ESRRG: variants seen among roughly 807,000 people sequenced by gnomAD.
The protein encoded by ESRRG is estrogen-related receptor gamma.
In ESRRG, 13 loss-of-function variants were observed where a neutral mutation model predicts 44.0. The ratio of observed to expected loss-of-function variants is 0.30; its 90% CI spans 0.19 to 0.47. The LOEUF is 0.47. ESRRG is among the 20% of genes least tolerant of loss of function. The pLI, the probability that ESRRG is intolerant of heterozygous loss-of-function variation, is 1.00. For synonymous variants in ESRRG, 215 were observed against 214.6 expected (o/e 1.00, Z -0.02); for missense variants, 395 against 580.6 (o/e 0.68, Z 3.29).
Position 216,911,267 on chromosome 1 carries a change from C to T in ESRRG, c.-14+28315G>A, listed in dbSNP as rs149923893. On this transcript the variant is annotated intron_variant, in intron 2 of 7. Transcript: ENST00000359162. ...AAAGGATAAATAAACTATGGTACAT[C>T]GAGACGCTGGACTGTTATTCAGTGC... Among the ~76,000 whole-genome samples the T allele has an allele frequency of 1.7e-4, 26 of 152,130 alleles. No individual in the cohort carries two copies. The East Asian group carries it at 3.9e-3, about 23-fold the overall frequency.
At chr1:217,056,663 C>A (rs1425481568) in intron 1 of ESRRG, among the ~76,000 whole-genome samples, 1 of 151,166 alleles carries the variant, frequency 6.6e-6, no homozygotes, top group African/African-American at 2.4e-5. Flanking sequence ...TGGAAAGATT[C>A]TGGCCATGAC....
chr1:217,006,206 A>C (rs1560446699), intron 1 of ESRRG, among the ~76,000 whole-genome samples: 1 of 152,174 alleles, frequency 6.6e-6, no homozygotes, highest in African/African-American at 2.4e-5. Flanking sequence ...GCTAAGAATG[A>C]ATTTATAAAT....
At chr1:216,956,724 T>C (rs1463455195) in intron 1 of ESRRG, among the ~76,000 whole-genome samples, 1 of 152,222 alleles carries the variant, frequency 6.6e-6, no homozygotes, top group Non-Finnish European at 1.5e-5. Context: ...ATCACATGCC[T>C]GGCAGTGCAG....
intron 2 of ESRRG, among the ~76,000 whole-genome samples, chr1:216,938,871 C>T (rs1560186335): frequency 6.6e-6 from 1 of 152,182 alleles, no homozygotes; most frequent in Non-Finnish European, 1.5e-5. Flanking sequence ...TCTTTACATG[C>T]TATGATCCTC....
At chr1:216,967,174 C>CG (rs1006154753) in intron 1 of ESRRG, among the ~76,000 whole-genome samples, 16 of 152,002 alleles carry the variant, frequency 1.1e-4, no homozygotes, top group Non-Finnish European at 1.3e-4. Flanking sequence ...GCATCGCCCC[C>CG]CCTCCCCATT....
At chr1:216,820,812 A>C (rs1344624679) in intron 2 of ESRRG, among the ~76,000 whole-genome samples, 2 of 152,218 alleles carry the variant, frequency 1.3e-5, no homozygotes, top group African/African-American at 2.4e-5. Flanking sequence ...GAAAGTAGTA[A>C]AAGTTTGCTA....
intron 6 of ESRRG, 39 bp from the exon 7 acceptor site, chr1:216,507,222 TA>T: frequency 6.9e-7 from 1 of 1,443,094 alleles, no homozygotes; most frequent in Non-Finnish European, 9.4e-7. Flanking sequence ...ATTATAATAA[TA>T]ATAGCAAACC....
intron 2 of ESRRG, among the ~76,000 whole-genome samples, chr1:216,906,231 A>T (rs1205986884): frequency 6.6e-6 from 1 of 152,196 alleles, no homozygotes; most frequent in African/African-American, 2.4e-5. Flanking sequence ...TCATTTATCT[A>T]AAATGAAAGA....
At chr1:216,661,993 C>G (rs892531961) in intron 2 of ESRRG, among the ~76,000 whole-genome samples, 2 of 152,082 alleles carry the variant, frequency 1.3e-5, no homozygotes, top group Admixed American at 6.6e-5. Context: ...GAGTTACCTT[C>G]TTTATGAATG....
intron 1 of ESRRG, among the ~76,000 whole-genome samples, chr1:216,709,706 T>A (rs2083212604): frequency 6.7e-6 from 1 of 149,144 alleles, no homozygotes; most frequent in African/African-American, 2.5e-5. Context: ...AAAAAAAAAA[T>A]TGGAGGGAGT....
chr1:216,776,238 A>T (rs1466502536), intron 2 of ESRRG, among the ~76,000 whole-genome samples: 1 of 152,074 alleles, frequency 6.6e-6, no homozygotes, highest in African/African-American at 2.4e-5. Flanking sequence ...CATAATAATG[A>T]TAATCTGTGG....
intron 1 of ESRRG, among the ~76,000 whole-genome samples, chr1:217,025,881 G>A (rs2081104970): frequency 6.6e-6 from 1 of 152,098 alleles, no homozygotes; most frequent in Non-Finnish European, 1.5e-5. Flanking sequence ...CATAGTCCTG[G>A]TAAGTCATTT....
At chr1:216,796,038 C>T (rs2094462686) in intron 2 of ESRRG, among the ~76,000 whole-genome samples, 1 of 152,146 alleles carries the variant, frequency 6.6e-6, no homozygotes, top group Admixed American at 6.6e-5. Context: ...AGGCCTGGGG[C>T]TGAAAACAAG....
intron 5 of ESRRG, 57 bp from the exon 6 acceptor site, chr1:216,519,478 C>T: frequency 2.7e-6 from 4 of 1,496,916 alleles, no homozygotes; most frequent in Non-Finnish European, 2.7e-6. Flanking sequence ...CATAATGCAA[C>T]ATTAGTTTCA....
chr1:216,741,629 T>C (rs947551470), intron 2 of ESRRG, among the ~76,000 whole-genome samples: 2 of 152,188 alleles, frequency 1.3e-5, no homozygotes, highest in Non-Finnish European at 2.9e-5. Flanking sequence ...CCCTGTCTCA[T>C]CTCAGAATGC....
At chr1:217,134,941 C>G (rs2093028489) in intron 1 of ESRRG, among the ~76,000 whole-genome samples, 1 of 152,242 alleles carries the variant, frequency 6.6e-6, no homozygotes, top group African/African-American at 2.4e-5. Context: ...TGCCGCAGCG[C>G]CCAGTTTACC....
intron 2 of ESRRG, among the ~76,000 whole-genome samples, chr1:216,820,666 C>T (rs1215478409): frequency 6.6e-6 from 1 of 152,206 alleles, no homozygotes; most frequent in East Asian, 1.9e-4. Context: ...CTGAGTATAT[C>T]CAGCCTTTGG....
intron 3 of ESRRG, among the ~76,000 whole-genome samples, chr1:216,648,383 G>A (rs751627821): frequency 1.3e-5 from 2 of 152,074 alleles, no homozygotes; most frequent in African/African-American, 2.4e-5. Flanking sequence ...AGAAGTAAAG[G>A]AAAATAAATT....
chr1:216,645,610 G>A (rs1211521432), intron 3 of ESRRG, among the ~76,000 whole-genome samples: 1 of 151,996 alleles, frequency 6.6e-6, no homozygotes, highest in African/African-American at 2.4e-5. Context: ...AGTGGTTCAT[G>A]CCTGTAATCC....
Sources: gnomAD v4.1 joint callset for allele counts (sites outside exome capture counted in the v4.1 genomes callset) on GRCh38, gnomAD v4.1.1 for gene constraint, MANE v1.5 for transcripts, NCBI Gene and HGNC (gene_info 2026-07-23, HGNC 2026-07-21) for gene names.